MBTPS2: variants seen among roughly 807,000 people sequenced by gnomAD.
MBTPS2 encodes membrane-bound transcription factor site-2 protease.
A neutral mutation model predicts 35.4 loss-of-function variants in MBTPS2; 2 were observed. The ratio of observed to expected loss-of-function variants is 0.06; its 90% CI spans 0.02 to 0.18. MBTPS2 has a LOEUF of 0.18. Ranked by LOEUF, MBTPS2 falls within the 10% of genes least tolerant of loss-of-function variation. The probability of loss-of-function intolerance (pLI) is 1.00; values close to 1 mark genes in which losing one functional copy is unlikely to be tolerated. For synonymous variants in MBTPS2, 125 were observed against 140.4 expected (o/e 0.89, Z 0.77); for missense variants, 244 against 386.5 (o/e 0.63, Z 3.09).
intron 5 of MBTPS2, among the ~76,000 whole-genome samples, chrX:21,864,852 G>GT (rs1298436063): frequency 9.6e-6 from 1 of 103,805 alleles, no homozygotes; most frequent in Non-Finnish European, 2.0e-5. Context: ...TATGTAATAG[G>GT]TTTTTTTCTT....
intron 9 of MBTPS2, among the ~76,000 whole-genome samples, chrX:21,879,425 C>T (rs1036926314): frequency 1.8e-5 from 2 of 111,026 alleles, no homozygotes; most frequent in African/African-American, 3.3e-5. Flanking sequence ...GGACTACAGA[C>T]GTGTTCCACT....
chrX:21,868,825 T>C (rs1262855376), intron 6 of MBTPS2, among the ~76,000 whole-genome samples: 1 of 112,636 alleles, frequency 8.9e-6, no homozygotes, highest in Non-Finnish European at 1.9e-5. Context: ...TATCAAGATT[T>C]TCTACCTGTA....
chrX:21,866,008 T>A (rs906844845), intron 5 of MBTPS2, among the ~76,000 whole-genome samples: 2 of 111,325 alleles, frequency 1.8e-5, no homozygotes, highest in Non-Finnish European at 3.8e-5. Flanking sequence ...TATCTTTCTG[T>A]CACCCAGGCT....
In MBTPS2 at chrX:21,884,726, G is replaced by A; in HGVS notation, c.*2071G>A. On this transcript the variant is annotated 3_prime_UTR_variant, in exon 11 of 11. Coordinates refer to ENST00000379484, the MANE Select transcript of MBTPS2 (RefSeq NM_015884.4). ...ATATCATATTCATCTTTGCATCCCT[G>A]GCACAGTGCATGAGACATAAGTACT... 1 of 662,660 alleles carries A rather than the reference G, an allele frequency of 1.5e-6. No homozygotes were observed. The highest frequency in any genetic ancestry group is 1.6e-4 in the East Asian group (1 of 6,286). 54.6% of individuals were successfully genotyped at this position (662,660 alleles called of 1,213,427 possible). A position where few individuals can be genotyped will look rare whatever the true frequency, so the allele number is the denominator to read the frequency against.
chrX:21,874,187 A>AT (rs1185068500), intron 7 of MBTPS2, among the ~76,000 whole-genome samples: 2 of 105,602 alleles, frequency 1.9e-5, no homozygotes, highest in East Asian at 5.9e-4. Context: ...AGCCCGGCTA[A>AT]TTTTTTTGTA....
chrX:21,880,517 C>T (rs1044875149), intron 9 of MBTPS2, among the ~76,000 whole-genome samples: 1 of 110,344 alleles, frequency 9.1e-6, no homozygotes. Flanking sequence ...GACTTTAAAT[C>T]CCCTCATCTT....
chrX:21,861,764 T>C (rs2092931669), intron 5 of MBTPS2, among the ~76,000 whole-genome samples: 1 of 111,679 alleles, frequency 9.0e-6, no homozygotes, highest in Non-Finnish European at 1.9e-5. Flanking sequence ...ATACCATTGG[T>C]ATTTTTAAAT....
rs766760741 is a variant in MBTPS2, at chrX:21,851,599, A to C, written c.529A>C (p.Ile177Leu). 6.0e-6 allele frequency: 7 copies of C among 1,170,661 alleles called. No homozygotes were observed. The highest frequency in any genetic ancestry group is 3.6e-5 in the South Asian group (2 of 56,022). The change falls in exon 4 of 11, where the codon ATA becomes CTA. Residue 177 changes from isoleucine to leucine, a missense_variant. Coordinates refer to ENST00000379484, the MANE Select transcript of MBTPS2 (RefSeq NM_015884.4). The stretch of plus-strand genomic sequence containing the variant: ...TGTTGTACATGAAATTGGACATGGG[A>C]TAGCAGCTATTAGGTAATGATATTT... Reference protein sequence around the residue: ...SGVVHEIGHGIAAIREQVRFN... With the variant: ...SGVVHEIGHGLAAIREQVRFN...
intron 5 of MBTPS2, chrX:21,856,197 G>A: frequency 3.2e-6 from 1 of 311,248 alleles, no homozygotes; most frequent in Non-Finnish European, 5.6e-6. Flanking sequence ...TTTTGGGGCC[G>A]ACAGACGCGC....
At chrX:21,849,105 C>T (rs2092911850) in intron 3 of MBTPS2, among the ~76,000 whole-genome samples, 1 of 111,252 alleles carries the variant, frequency 9.0e-6, no homozygotes, top group African/African-American at 3.3e-5. Context: ...AATGATGAAC[C>T]GACGTGAATA....
At chrX:21,840,122 G>A (rs1352036099) in intron 1 of MBTPS2, among the ~76,000 whole-genome samples, 1 of 112,561 alleles carries the variant, frequency 8.9e-6, no homozygotes, top group Non-Finnish European at 1.9e-5. Context: ...AGTGCAGCAG[G>A]GAGGAAAAGA....
At chrX:21,881,015 T>G in intron 10 of MBTPS2, 43 bp downstream of exon 10, 1 of 966,511 alleles carries the variant, frequency 1.0e-6, no homozygotes, top group Non-Finnish European at 1.5e-6. Flanking sequence ...GTGTGTTACT[T>G]GGATCTTGAT....
At position 21,884,762 on chromosome X, in the gene MBTPS2, A is replaced by G. The variant is rs2092962877; in HGVS notation, c.*2107A>G. On this transcript the variant is annotated 3_prime_UTR_variant, in exon 11 of 11. Transcript: ENST00000379484. ...TGAGACATAAGTACTTAATAAATGC[A>G]GTTGAATGGATAATGATTAGTGTTA... The G allele has an allele frequency of 3.0e-6, 2 of 659,665 alleles. No homozygotes were observed. The highest frequency in any genetic ancestry group is 2.4e-5 in the African/African-American group (1 of 42,028). The allele number at this position is 659,665 out of a possible 1,213,427, so 54.4% of individuals were successfully genotyped here. A position where few individuals can be genotyped will look rare whatever the true frequency, so the allele number is the denominator to read the frequency against.
In MBTPS2 at chrX:21,882,922, G is replaced by A. The variant is rs1443566091; in HGVS notation, c.*267G>A. ...TGCTTGTGGAATAATATCTAAGCAA[G>A]TGCAAATTCATGTAATACCGTTTTG... On this transcript the variant is annotated 3_prime_UTR_variant, in exon 11 of 11. Transcript: ENST00000379484. The A allele has an allele frequency of 7.0e-6, 7 of 1,001,990 alleles. No individual in the cohort carries two copies. The Admixed American group carries it at 3.0e-4, about 42-fold the overall frequency. 82.6% of individuals were successfully genotyped at this position (1,001,990 alleles called of 1,213,427 possible).
At chrX:21,859,313 C>A (rs1485377212) in intron 5 of MBTPS2, among the ~76,000 whole-genome samples, 1 of 92,876 alleles carries the variant, frequency 1.1e-5, no homozygotes, top group East Asian at 3.7e-4. Flanking sequence ...TATATGCATA[C>A]GTGAAGTATT....
chrX:21,864,942 A>G (rs2092937769), intron 5 of MBTPS2, among the ~76,000 whole-genome samples: 1 of 100,282 alleles, frequency 1.0e-5, no homozygotes, highest in Non-Finnish European at 2.0e-5. Flanking sequence ...GGGCAGTGGT[A>G]CAATCACCGC....
At chrX:21,859,178 T>C (rs1321316580) in intron 5 of MBTPS2, among the ~76,000 whole-genome samples, 7 of 112,280 alleles carry the variant, frequency 6.2e-5, no homozygotes, top group Non-Finnish European at 1.3e-4. Context: ...AATTTTTTTT[T>C]TAAATTGTAA....
At chrX:21,865,913 G>A (rs145058765) in intron 5 of MBTPS2, among the ~76,000 whole-genome samples, 4,999 of 111,678 alleles carry the variant, frequency 0.045, 90 homozygotes, top group African/African-American at 0.059. Flanking sequence ...TTGCTGCCTT[G>A]ATGACAACTA....
At chrX:21,862,636 C>A (rs1416359921) in intron 5 of MBTPS2, among the ~76,000 whole-genome samples, 1 of 105,324 alleles carries the variant, frequency 9.5e-6, no homozygotes, top group Non-Finnish European at 1.9e-5. Flanking sequence ...GGTGAAACCA[C>A]CCGTCTCTAC....
Sources: gnomAD v4.1 joint callset for allele counts (sites outside exome capture counted in the v4.1 genomes callset) on GRCh38, gnomAD v4.1.1 for gene constraint, MANE v1.5 for transcripts, NCBI Gene and HGNC (gene_info 2026-07-23, HGNC 2026-07-21) for gene names.